Variants in DYM observed in about 807,000 individuals in gnomAD.
DYM encodes the protein dymeclin, also known as dyggve-Melchior-Clausen syndrome protein.
DYM carries 78 observed loss-of-function variants against 93.1 expected under a neutral mutation model. That is an observed-to-expected ratio of 0.84 (90% confidence interval 0.70 to 1.01). DYM has a LOEUF of 1.01. Ranked by LOEUF, DYM falls within the 50% of genes least tolerant of loss-of-function variation. The pLI is 0.00. For missense variants in DYM, 789 were observed against 845.0 expected (o/e 0.93, Z 0.82); for synonymous variants, 321 against 319.7 (o/e 1.00, Z -0.04).
At chr18:49,405,643 A>G (rs2071402652) in intron 2 of DYM, among the ~76,000 whole-genome samples, 1 of 152,132 alleles carries the variant, frequency 6.6e-6, no homozygotes, top group African/African-American at 2.4e-5. Context: ...CTTATAGTAT[A>G]CTTAGAGGTC....
chr18:49,334,481 A>C (rs2063528279), intron 6 of DYM, among the ~76,000 whole-genome samples: 1 of 152,208 alleles, frequency 6.6e-6, no homozygotes, highest in Non-Finnish European at 1.5e-5. Flanking sequence ...CTTAGATCAA[A>C]TAAAAAGAAA....
At chr18:49,387,234 C>CATTTTACTGTT (rs1287122965) in intron 3 of DYM, among the ~76,000 whole-genome samples, 3 of 151,152 alleles carry the variant, frequency 2.0e-5, no homozygotes, top group Non-Finnish European at 4.4e-5. Context: ...ATATTTCAAG[C>CATTTTACTGTT]ATTTTACTGT....
chr18:49,209,522 G>T (rs1169352064), intron 14 of DYM, 29 bp downstream of exon 14: 3 of 1,274,556 alleles, frequency 2.4e-6, no homozygotes, highest in African/African-American at 1.5e-5. Flanking sequence ...CATGCAGCAT[G>T]CAGTAAATGG....
chr18:49,096,230 T>C (rs118171364), intron 17 of DYM, among the ~76,000 whole-genome samples: 48 of 152,356 alleles, frequency 3.2e-4, no homozygotes, highest in Non-Finnish European at 5.3e-4. Flanking sequence ...CTTTGGCTGA[T>C]AAACAGAACA....
intron 14 of DYM, among the ~76,000 whole-genome samples, chr18:49,174,750 A>G (rs1392021603): frequency 2.0e-5 from 3 of 152,162 alleles, no homozygotes; most frequent in African/African-American, 7.2e-5. Context: ...TAAAGACGTA[A>G]TCCCGGAGTT....
At chr18:49,225,620 C>T (rs8084753) in intron 13 of DYM, among the ~76,000 whole-genome samples, 151,536 of 152,264 alleles carry the variant, frequency 1, 75,411 homozygotes, top group Middle Eastern at 1. Context: ...TATTAATTGC[C>T]GAAGAAATTC....
intron 14 of DYM, among the ~76,000 whole-genome samples, chr18:49,192,180 C>G (rs923442322): frequency 4.0e-5 from 6 of 150,934 alleles, no homozygotes; most frequent in African/African-American, 1.5e-4. Flanking sequence ...ATCCTTCCAC[C>G]CAGAGTGCTG....
chr18:49,333,684 T>C (rs778274705), intron 7 of DYM, 44 bp downstream of exon 7: 2 of 1,594,500 alleles, frequency 1.3e-6, no homozygotes, highest in Admixed American at 3.3e-5. Context: ...GAAATATAGA[T>C]TTATACAATG....
rs1033330031 is a variant in DYM at position 49,286,505 on chromosome 18, G to A, written c.875C>T (p.Ala292Val). The stretch of plus-strand genomic sequence containing the variant: ...CGCATCTGAGGCATCTGTCAGATTG[G>A]CCAACACCAGCAGAAGCAGGAGACT... ...NQSLLLLLVL[A>V]NLTDASDAPN... Residue 292 changes from alanine (A) to valine (V), a missense_variant, in exon 9 of 18, where the codon GCC becomes GTC. Physicochemically the swap from Ala to Val is moderately conservative, Grantham distance 64. Coordinates refer to ENST00000675505, the MANE Select transcript of DYM (RefSeq NM_001353214.3). 2 of 1,614,142 alleles carry A rather than the reference G, an allele frequency of 1.2e-6. No individual in the cohort carries two copies. The highest frequency in any genetic ancestry group is 8.5e-7 in the Non-Finnish European group (1 of 1,180,002).
At chr18:49,373,456 G>A (rs2147575866) in intron 5 of DYM, among the ~76,000 whole-genome samples, 1 of 152,258 alleles carries the variant, frequency 6.6e-6, no homozygotes, top group South Asian at 2.1e-4. Context: ...AAACTGTCAT[G>A]GCGCTGGTGG....
chr18:49,124,866 AT>A (rs1250677486), intron 15 of DYM, among the ~76,000 whole-genome samples: 1 of 152,272 alleles, frequency 6.6e-6, no homozygotes, highest in East Asian at 1.9e-4. Context: ...ATGTACAACT[AT>A]TTTGAAAAAC....
Position 49,051,577 on chromosome 18 carries a change from G to A in DYM, c.2026-7373C>T, listed in dbSNP as rs553717599. ...GGTTCAGCTGCAACCCTGAAGTTAAGCATTTGTTGATTTCTACTTAGACAG... is the reference window on the plus strand; with the variant it reads ...GGTTCAGCTGCAACCCTGAAGTTAAACATTTGTTGATTTCTACTTAGACAG... On this transcript the variant is annotated intron_variant, in intron 17 of 17. Transcript: ENST00000675505. Among the ~76,000 whole-genome samples, 4 of 152,316 alleles carry A rather than the reference G, an allele frequency of 2.6e-5. No homozygotes were observed. The East Asian group carries it at 7.7e-4, about 29-fold the overall frequency.
chr18:49,322,479 G>A (rs1165756560), intron 8 of DYM, among the ~76,000 whole-genome samples: 2 of 151,458 alleles, frequency 1.3e-5, no homozygotes, highest in African/African-American at 4.9e-5. Context: ...AGTCCAAAGT[G>A]GTAAGGACAG....
At chr18:49,335,065 C>A (rs1388637253) in intron 6 of DYM, among the ~76,000 whole-genome samples, 19 of 152,106 alleles carry the variant, frequency 1.2e-4, no homozygotes, top group Non-Finnish European at 2.5e-4. Context: ...CAAGATCGTG[C>A]CATTGCACTC....
intron 16 of DYM, among the ~76,000 whole-genome samples, chr18:49,103,723 G>T (rs947425112): frequency 6.6e-6 from 1 of 152,166 alleles, no homozygotes; most frequent in Non-Finnish European, 1.5e-5. Context: ...GATGGTTGTA[G>T]ATATGCGGCG....
chr18:49,079,802 T>C (rs1451891297), intron 17 of DYM, among the ~76,000 whole-genome samples: 51 of 152,086 alleles, frequency 3.4e-4, no homozygotes, highest in Admixed American at 3.3e-3. Flanking sequence ...CCATGTCTAC[T>C]TCTTTCTACA....
At chr18:49,210,306 C>T (rs1454867745) in intron 13 of DYM, among the ~76,000 whole-genome samples, 1 of 152,074 alleles carries the variant, frequency 6.6e-6, no homozygotes, top group Non-Finnish European at 1.5e-5. Context: ...TGAAAGCAAC[C>T]AAGGTATTCT....
chr18:49,336,851 T>A (rs1181671290), intron 6 of DYM, among the ~76,000 whole-genome samples: 1 of 152,148 alleles, frequency 6.6e-6, no homozygotes, highest in Non-Finnish European at 1.5e-5. Flanking sequence ...ACTCTGATAG[T>A]AACTATGGGA....
intron 17 of DYM, among the ~76,000 whole-genome samples, chr18:49,083,061 T>C (rs139149630): frequency 2.0e-5 from 3 of 146,808 alleles, no homozygotes; most frequent in African/African-American, 7.3e-5. Flanking sequence ...AAGGGCCCAG[T>C]AATAAACATT....
Sources: gnomAD v4.1 joint callset for allele counts (sites outside exome capture counted in the v4.1 genomes callset) on GRCh38, gnomAD v4.1.1 for gene constraint, MANE v1.5 for transcripts, NCBI Gene and HGNC (gene_info 2026-07-23, HGNC 2026-07-21) for gene names.